Variants in SH3PXD2A observed in about 807,000 individuals in gnomAD.
SH3PXD2A encodes the protein SH3 and PX domains 2A.
A neutral mutation model predicts 115.2 loss-of-function variants in SH3PXD2A; 32 were observed. That is an observed-to-expected ratio of 0.28 (90% CI 0.21 to 0.37). SH3PXD2A has a LOEUF of 0.37. SH3PXD2A is among the 10% of genes least tolerant of loss of function. The pLI, the probability that SH3PXD2A is intolerant of heterozygous loss-of-function variation, is 1.00. For synonymous variants in SH3PXD2A, 610 were observed against 629.1 expected (o/e 0.97, Z 0.45); for missense variants, 1,328 against 1,498.7 (o/e 0.89, Z 1.88).
At chr10:103,824,856 G>A (rs192125943) in intron 1 of SH3PXD2A, among the ~76,000 whole-genome samples, 5 of 152,294 alleles carry the variant, frequency 3.3e-5, no homozygotes, top group African/African-American at 4.8e-5. Flanking sequence ...TGGCTGGAGT[G>A]CAGTGGCACG....
intron 7 of SH3PXD2A, among the ~76,000 whole-genome samples, chr10:103,667,875 G>A (rs917371876): frequency 6.6e-6 from 1 of 152,168 alleles, no homozygotes; most frequent in Non-Finnish European, 1.5e-5. Context: ...CCTGCTGTCC[G>A]GGATTCTCTG....
At chr10:103,760,638 T>C (rs1230219889) in intron 3 of SH3PXD2A, among the ~76,000 whole-genome samples, 1 of 151,148 alleles carries the variant, frequency 6.6e-6, no homozygotes, top group Non-Finnish European at 1.5e-5. Context: ...ATACAATATA[T>C]GTATATAAAA....
At chr10:103,837,751 G>T (rs940763692) in intron 1 of SH3PXD2A, among the ~76,000 whole-genome samples, 4 of 152,190 alleles carry the variant, frequency 2.6e-5, no homozygotes, top group Non-Finnish European at 4.4e-5. Flanking sequence ...CTTCCCAGCA[G>T]CACCCCTCAG....
intron 3 of SH3PXD2A, among the ~76,000 whole-genome samples, chr10:103,761,054 T>G (rs1362391161): frequency 2.0e-5 from 3 of 152,086 alleles, no homozygotes; most frequent in African/African-American, 7.2e-5. Flanking sequence ...GGCCTGGGAG[T>G]ACAGTTTCTC....
intron 1 of SH3PXD2A, among the ~76,000 whole-genome samples, chr10:103,804,977 T>A (rs937870683): frequency 1.3e-5 from 2 of 152,136 alleles, no homozygotes; most frequent in African/African-American, 2.4e-5. Context: ...GCTGTTTCTC[T>A]GACCTCCACC....
At position 103,746,528 on chromosome 10, in the gene SH3PXD2A, C is replaced by T. The variant is rs1276659054; in HGVS notation, c.230-10720G>A. On this transcript the variant is annotated intron_variant, in intron 3 of 14. Coordinates refer to ENST00000369774, the MANE Select transcript of SH3PXD2A (RefSeq NM_001394015.1). This position sits in a 1 kb window ranked among gnomAD's most constrained non-coding sequence, Gnocchi z 4.4. ...GTAGAAACTGGGTTTCACCATGTAG[C>T]CCAGGCTGGTTTTAAACTCCTGGGC... 3.3e-5 allele frequency among the ~76,000 whole-genome samples: 5 copies of T among 152,116 alleles called. No individual in the cohort carries two copies. In the East Asian group the frequency reaches 9.6e-4, roughly 29 times the overall value.
At chr10:103,641,801 C>T (rs749471081) in intron 8 of SH3PXD2A, among the ~76,000 whole-genome samples, 6 of 152,120 alleles carry the variant, frequency 3.9e-5, no homozygotes, top group Admixed American at 6.5e-5. Context: ...CATGGTAGGG[C>T]GAGGCAGGGA....
intron 8 of SH3PXD2A, among the ~76,000 whole-genome samples, chr10:103,651,192 C>T (rs553458951): frequency 6.6e-6 from 1 of 152,228 alleles, no homozygotes; most frequent in African/African-American, 2.4e-5. Flanking sequence ...ACCAGCCTCC[C>T]GGCAGCTGGG....
rs1219264978 is a variant in SH3PXD2A, at chr10:103,601,211, A to G, written c.*605T>C. On this transcript the variant is annotated 3_prime_UTR_variant, in exon 15 of 15. Transcript: ENST00000369774. Reference sequence around the variant, plus strand: ...CCTGGGAACTGCTTTTTCTTCAACTAACAGTGACAATGGCCTGGCCCAGAA... The same window carrying G: ...CCTGGGAACTGCTTTTTCTTCAACTGACAGTGACAATGGCCTGGCCCAGAA... The G allele has an allele frequency of 6.6e-6, 1 of 152,240 alleles. No individual in the cohort carries two copies. Among genetic ancestry groups the G allele is most frequent in the Non-Finnish European group, 1.5e-5 (1 of 68,066 alleles). 9.4% of individuals were successfully genotyped at this position (152,240 alleles called of 1,614,324 possible). A position where few individuals can be genotyped will look rare whatever the true frequency, so the allele number is the denominator to read the frequency against.
chr10:103,776,436 C>CTCTG (rs780486369), intron 2 of SH3PXD2A, among the ~76,000 whole-genome samples: 1 of 125,042 alleles, frequency 8.0e-6, no homozygotes, highest in East Asian at 2.1e-4. Flanking sequence ...GTGTGTGTGT[C>CTCTG]TGTGTGTGTG....
intron 3 of SH3PXD2A, among the ~76,000 whole-genome samples, chr10:103,744,016 T>C (rs1352782619): frequency 2.0e-5 from 3 of 152,198 alleles, no homozygotes; most frequent in Non-Finnish European, 4.4e-5. Context: ...CAGCCTCTAC[T>C]GGCTCCCCTG....
At chr10:103,824,800 C>T (rs1374107620) in intron 1 of SH3PXD2A, among the ~76,000 whole-genome samples, 2 of 152,188 alleles carry the variant, frequency 1.3e-5, no homozygotes, top group East Asian at 1.9e-4. Flanking sequence ...CAACTCTTGC[C>T]ATGTCATCTC....
rs2036171592 is a variant in SH3PXD2A at position 103,598,657 on chromosome 10, A to C, written c.*3159T>G. On this transcript the variant is annotated 3_prime_UTR_variant, in exon 15 of 15. Coordinates refer to ENST00000369774, the MANE Select transcript of SH3PXD2A (RefSeq NM_001394015.1). ...TTTTAGTCCGATCTGGTTTTCCTCC[A>C]GATGGGTCAGAGCCCTAGGCCCCCT... 1 of 152,676 alleles carries C rather than the reference A, an allele frequency of 6.5e-6. No individual in the cohort carries two copies. Among genetic ancestry groups the C allele is most frequent in the Non-Finnish European group, 1.5e-5 (1 of 68,056 alleles). 9.5% of individuals were successfully genotyped at this position (152,676 alleles called of 1,614,324 possible).
At chr10:103,776,604 T>A (rs1367423863) in intron 2 of SH3PXD2A, among the ~76,000 whole-genome samples, 2 of 152,134 alleles carry the variant, frequency 1.3e-5, no homozygotes, top group African/African-American at 4.8e-5. Context: ...TGGTTCCCTC[T>A]GAGGGCTGTG....
chr10:103,848,455 C>A (rs544784640), intron 1 of SH3PXD2A, among the ~76,000 whole-genome samples: 1 of 152,142 alleles, frequency 6.6e-6, no homozygotes, highest in Non-Finnish European at 1.5e-5. Context: ...CTATTTAGCT[C>A]CCTCTCCCTG....
intron 2 of SH3PXD2A, among the ~76,000 whole-genome samples, chr10:103,778,456 T>C (rs1270217375): frequency 1.3e-5 from 2 of 152,248 alleles, no homozygotes; most frequent in Non-Finnish European, 2.9e-5. Flanking sequence ...TTCTAGTCAG[T>C]AGTGGAATGC....
At chr10:103,749,721 G>A (rs1050055063) in intron 3 of SH3PXD2A, 4 of 152,182 alleles carry the variant, frequency 2.6e-5, no homozygotes, top group East Asian at 1.9e-4. Context: ...GGGAATAATC[G>A]TATGACTTAC....
At chr10:103,733,652 C>CA (rs1225357273) in intron 4 of SH3PXD2A, among the ~76,000 whole-genome samples, 4 of 152,218 alleles carry the variant, frequency 2.6e-5, no homozygotes, top group African/African-American at 9.7e-5. Context: ...ATAATGTTCA[C>CA]AGTCACGAAA....
chr10:103,639,277 C>G (rs1305234565), intron 8 of SH3PXD2A, among the ~76,000 whole-genome samples: 2 of 152,176 alleles, frequency 1.3e-5, no homozygotes, highest in African/African-American at 4.8e-5. Context: ...GCTGCATGGG[C>G]TCACTCTAAT....
Sources: gnomAD v4.1 joint callset for allele counts (sites outside exome capture counted in the v4.1 genomes callset) on GRCh38, gnomAD v4.1.1 for gene constraint, Gnocchi (gnomAD v3.1) non-coding constraint, MANE v1.5 for transcripts, NCBI Gene and HGNC (gene_info 2026-07-23, HGNC 2026-07-21) for gene names.